Variants in PTPRD observed in about 807,000 individuals in gnomAD.
The protein encoded by PTPRD is receptor-type tyrosine-protein phosphatase delta.
In PTPRD, 34 loss-of-function variants were observed where a neutral mutation model predicts 214.5. That is an observed-to-expected ratio of 0.16 (90% CI 0.12 to 0.21). The LOEUF (loss-of-function observed/expected upper bound fraction) is 0.21. Among genes scored for constraint, PTPRD ranks in the 10% least tolerant of loss-of-function variants. The pLI is 1.00. For missense variants in PTPRD, 2,545 were observed against 2,398.7 expected (o/e 1.06, Z -1.27); for synonymous variants, 1,128 against 845.7 (o/e 1.33, Z -5.79).
At chr9:10,142,063 C>A (rs1355869622) in intron 3 of PTPRD, among the ~76,000 whole-genome samples, 2 of 151,870 alleles carry the variant, frequency 1.3e-5, no homozygotes, top group Admixed American at 1.3e-4. Context: ...GGAAAACTGG[C>A]TAGCCATATG....
At chr9:8,363,703 T>C (rs570348991) in intron 39 of PTPRD, among the ~76,000 whole-genome samples, 2 of 152,296 alleles carry the variant, frequency 1.3e-5, no homozygotes, top group Non-Finnish European at 2.9e-5. Context: ...CAATGTCCTA[T>C]TGGGGCTCAA....
In PTPRD at chr9:8,980,664, T is replaced by C. The variant is rs570387341; in HGVS notation, c.-104+38033A>G. Among the ~76,000 whole-genome samples, 26 of 152,202 alleles carry C rather than the reference T, an allele frequency of 1.7e-4. 2 individuals are homozygous for C. The South Asian group carries it at 5.2e-3, about 30-fold the overall frequency. ...AGATGGAATTTTTCCATTAGAGAAATGACTCTGGCATTCCATTAGGAAGAG... is the reference window on the plus strand; with the variant it reads ...AGATGGAATTTTTCCATTAGAGAAACGACTCTGGCATTCCATTAGGAAGAG... On this transcript the variant is annotated intron_variant, in intron 11 of 45. Transcript: ENST00000381196.
chr9:9,927,845 C>T (rs889785542), intron 5 of PTPRD, among the ~76,000 whole-genome samples: 1 of 151,970 alleles, frequency 6.6e-6, no homozygotes, highest in Non-Finnish European at 1.5e-5. Context: ...ATGTCATTTG[C>T]ATTTTCTTGA....
intron 10 of PTPRD, among the ~76,000 whole-genome samples, chr9:9,065,813 T>C (rs930778130): frequency 1.3e-5 from 2 of 152,128 alleles, no homozygotes; most frequent in Non-Finnish European, 1.5e-5. Context: ...TTTAGTGGAA[T>C]CTATTTATGC....
rs138107148 is a variant in PTPRD, at chr9:8,996,545, A to G, written c.-104+22152T>C. Among the ~76,000 whole-genome samples, 232 of 152,138 alleles carry G rather than the reference A, an allele frequency of 1.5e-3. 3 individuals are homozygous for G. The highest frequency in any genetic ancestry group is 5.4e-3 in the African/African-American group (224 of 41,520). On this transcript the variant is annotated intron_variant, in intron 11 of 45. Transcript: ENST00000381196. Reference sequence around the variant, plus strand: ...ACCCCATTTGGGCTACTATAGCAAAATATCTCAGACTGGGTAGTTTATAAA... The same window carrying G: ...ACCCCATTTGGGCTACTATAGCAAAGTATCTCAGACTGGGTAGTTTATAAA...
At chr9:9,422,358 T>C (rs2079129239) in intron 8 of PTPRD, among the ~76,000 whole-genome samples, 2 of 152,016 alleles carry the variant, frequency 1.3e-5, no homozygotes, top group Non-Finnish European at 2.9e-5. Context: ...AAAATATGAG[T>C]TGCATTATTT....
chr9:9,534,372 T>G (rs1294361209), intron 8 of PTPRD, among the ~76,000 whole-genome samples: 2 of 152,036 alleles, frequency 1.3e-5, no homozygotes, highest in Non-Finnish European at 2.9e-5. Context: ...CATTTCTCAT[T>G]TGGCTTTGTT....
At chr9:8,754,410 A>G (rs1379859863) in intron 11 of PTPRD, among the ~76,000 whole-genome samples, 2 of 152,198 alleles carry the variant, frequency 1.3e-5, no homozygotes, top group Admixed American at 6.5e-5. Flanking sequence ...AGGACAAGCA[A>G]AATAGTGGAA....
chr9:9,384,388 G>GTTTTTTTTT (rs2063260893), intron 9 of PTPRD, among the ~76,000 whole-genome samples: 1 of 57,260 alleles, frequency 1.7e-5, no homozygotes, highest in Admixed American at 2.3e-4. Flanking sequence ...TTTTTTTCTG[G>GTTTTTTTTT]TGGGTCAACA....
intron 3 of PTPRD, among the ~76,000 whole-genome samples, chr9:10,231,989 A>AGAGTGTGTGTGTGT (rs1245284728): frequency 6.4e-4 from 59 of 92,492 alleles, no homozygotes; most frequent in Non-Finnish European, 8.1e-4. Context: ...AGAGAGAGAG[A>AGAGTGTGTGTGTGT]GTGTGTGTGT....
At chr9:8,349,460 G>T (rs573009442) in intron 39 of PTPRD, among the ~76,000 whole-genome samples, 1 of 152,176 alleles carries the variant, frequency 6.6e-6, no homozygotes, top group African/African-American at 2.4e-5. Context: ...AAAAGCAAAT[G>T]CATTTTTCTT....
At chr9:8,611,750 A>AAAGAG (rs1318277072) in intron 14 of PTPRD, among the ~76,000 whole-genome samples, 1 of 142,766 alleles carries the variant, frequency 7.0e-6, no homozygotes, top group Non-Finnish European at 1.5e-5. Context: ...AAAGAAAAGA[A>AAAGAG]AAGAGAAAAG....
chr9:10,277,827 A>T (rs1021588088), intron 3 of PTPRD, among the ~76,000 whole-genome samples: 1 of 152,150 alleles, frequency 6.6e-6, no homozygotes, highest in African/African-American at 2.4e-5. Context: ...GATTCTGGCA[A>T]CTGGCCCACA....
At chr9:9,462,788 C>G (rs1335459996) in intron 8 of PTPRD, among the ~76,000 whole-genome samples, 1 of 152,064 alleles carries the variant, frequency 6.6e-6, no homozygotes, top group African/African-American at 2.4e-5. Context: ...GGCAGATGAT[C>G]AATAGAGATG....
chr9:8,375,501 C>A (rs2082965583), intron 39 of PTPRD, among the ~76,000 whole-genome samples: 1 of 151,910 alleles, frequency 6.6e-6, no homozygotes, highest in Non-Finnish European at 1.5e-5. Flanking sequence ...GATAGTCTCC[C>A]TAAAGCTTGT....
chr9:8,978,418 C>T (rs1245590709), intron 11 of PTPRD, among the ~76,000 whole-genome samples: 1 of 152,072 alleles, frequency 6.6e-6, no homozygotes, highest in African/African-American at 2.4e-5. Context: ...ATATTGGGCT[C>T]TCAATAAATA....
At chr9:9,437,242 A>C (rs1191146253) in intron 8 of PTPRD, among the ~76,000 whole-genome samples, 1 of 152,168 alleles carries the variant, frequency 6.6e-6, no homozygotes, top group Non-Finnish European at 1.5e-5. Flanking sequence ...ATAACTAAAG[A>C]TGGCTCTTTG....
intron 8 of PTPRD, among the ~76,000 whole-genome samples, chr9:9,484,548 C>T (rs1569568712): frequency 6.6e-6 from 1 of 152,060 alleles, no homozygotes; most frequent in Non-Finnish European, 1.5e-5. Context: ...GTAAATCATA[C>T]TTTAATAAAA....
At chr9:9,902,658 G>T (rs572389963) in intron 5 of PTPRD, among the ~76,000 whole-genome samples, 1 of 152,094 alleles carries the variant, frequency 6.6e-6, no homozygotes, top group Non-Finnish European at 1.5e-5. Flanking sequence ...GCTTGTGAAG[G>T]TATTATTGAT....
Sources: allele counts gnomAD v4.1 joint callset (sites outside exome capture counted in the v4.1 genomes callset), GRCh38; gene constraint gnomAD v4.1.1; transcripts MANE v1.5; gene names NCBI Gene and HGNC (gene_info 2026-07-23, HGNC 2026-07-21).